The following PRDM16 variants were observed in gnomAD, a reference collection of about 807,000 sequenced individuals.
PRDM16 encodes the protein histone-lysine N-methyltransferase PRDM16.
A neutral mutation model predicts 110.6 loss-of-function variants in PRDM16; 23 were observed. That is an observed-to-expected ratio of 0.21 (90% CI 0.15 to 0.29). The LOEUF is 0.29. Among genes scored for constraint, PRDM16 ranks in the 10% least tolerant of loss-of-function variants. The pLI, the probability that PRDM16 is intolerant of heterozygous loss-of-function variation, is 1.00. For synonymous variants in PRDM16, 799 were observed against 781.8 expected, an observed-to-expected ratio of 1.02 and a Z score of -0.37; for missense variants, 1,615 against 1,794.3, an observed-to-expected ratio of 0.90 and a Z score of 1.81.
intron 1 of PRDM16, among the ~76,000 whole-genome samples, chr1:3,093,964 C>A (rs559396266): frequency 2.0e-5 from 3 of 152,330 alleles, no homozygotes; most frequent in Admixed American, 2.0e-4. Flanking sequence ...TAGAAGTTGC[C>A]ATGAGTGTGT....
At position 3,081,582 on chromosome 1, in the gene PRDM16, C is replaced by T. The variant is rs957588266; in HGVS notation, c.37+12286C>T. ...TTGGCATCACCTACAGGGATGGCGG[C>T]GGCCAGGGTTGGTCTTCCTTCTGTG... On this transcript the variant is annotated intron_variant, in intron 1 of 16. Coordinates refer to ENST00000270722, the MANE Select transcript of PRDM16 (RefSeq NM_022114.4). The surrounding 1 kb of genome is among the most constrained non-coding windows in gnomAD (Gnocchi z 4.6). Among the ~76,000 whole-genome samples the T allele has an allele frequency of 9.9e-5, 15 of 152,186 alleles. No individual in the cohort carries two copies. The highest frequency in any genetic ancestry group is 4.1e-4 in the South Asian group (2 of 4,830).
At chr1:3,103,959 C>T (rs1159704186) in intron 1 of PRDM16, among the ~76,000 whole-genome samples, 3 of 152,210 alleles carry the variant, frequency 2.0e-5, no homozygotes, top group East Asian at 1.9e-4. Context: ...TGGGAGTTAA[C>T]GGTTCAAACC....
At chr1:3,293,617 T>C (rs914087305) in intron 3 of PRDM16, among the ~76,000 whole-genome samples, 2 of 152,214 alleles carry the variant, frequency 1.3e-5, no homozygotes, top group Non-Finnish European at 2.9e-5. Context: ...CAGAGGGGAA[T>C]GCGTTTGAGC....
At chr1:3,360,396 G>A (rs1412138256) in intron 3 of PRDM16, among the ~76,000 whole-genome samples, 1 of 152,212 alleles carries the variant, frequency 6.6e-6, no homozygotes, top group African/African-American at 2.4e-5. Flanking sequence ...AGAAACAGAG[G>A]CTAAGAACTA....
chr1:3,186,659 G>A (rs1440027623), intron 2 of PRDM16, 185 bp downstream of exon 2: 16 of 537,334 alleles, frequency 3.0e-5, no homozygotes, highest in Non-Finnish European at 4.9e-5. Context: ...AAGCATCAGA[G>A]GTCCTCGTGG....
chr1:3,280,605 C>T (rs898563257), intron 3 of PRDM16, among the ~76,000 whole-genome samples: 3 of 152,226 alleles, frequency 2.0e-5, no homozygotes, highest in African/African-American at 4.8e-5. Context: ...GCTGGAAGAA[C>T]CCACCTCTCA....
intron 1 of PRDM16, among the ~76,000 whole-genome samples, chr1:3,109,110 T>A (rs1471091970): frequency 6.6e-6 from 1 of 151,188 alleles, no homozygotes; most frequent in African/African-American, 2.4e-5. Context: ...ATAATAATAA[T>A]AATAATGTCA....
At chr1:3,407,717 T>G (rs1643585691) in intron 8 of PRDM16, among the ~76,000 whole-genome samples, 1 of 152,200 alleles carries the variant, frequency 6.6e-6, no homozygotes, top group Non-Finnish European at 1.5e-5. Flanking sequence ...TTTAATGATG[T>G]GCATTCCAAG....
chr1:3,427,618 A>G (rs928306158), intron 14 of PRDM16, among the ~76,000 whole-genome samples: 1 of 152,134 alleles, frequency 6.6e-6, no homozygotes, highest in Non-Finnish European at 1.5e-5. Context: ...CAATAAACAC[A>G]GGAGGCAGTT....
At chr1:3,151,706 G>A (rs1643778208) in intron 1 of PRDM16, among the ~76,000 whole-genome samples, 1 of 152,218 alleles carries the variant, frequency 6.6e-6, no homozygotes, top group Non-Finnish European at 1.5e-5. Context: ...GAGTGGCCGG[G>A]CGTGCATTAG....
chr1:3,108,786 T>C (rs1225793121), intron 1 of PRDM16, among the ~76,000 whole-genome samples: 1 of 152,134 alleles, frequency 6.6e-6, no homozygotes, highest in African/African-American at 2.4e-5. Context: ...GAGCAGGACC[T>C]TCAGAGGCAG....
chr1:3,120,393 G>A lies in PRDM16; in HGVS notation c.37+51097G>A, dbSNP rs549925195. ...AGTTTTGGGGTTTGGCCCAAGGCCC[G>A]GTGACAAACAGGAGCTGCAGAGTGG... On this transcript the variant is annotated intron_variant, in intron 1 of 16. Transcript: ENST00000270722. Among the ~76,000 whole-genome samples the A allele has an allele frequency of 3.9e-5, 6 of 152,290 alleles. No homozygotes were observed. The South Asian group carries it at 6.2e-4, about 16-fold the overall frequency.
At chr1:3,220,356 C>T (rs760776450) in intron 2 of PRDM16, among the ~76,000 whole-genome samples, 3 of 152,286 alleles carry the variant, frequency 2.0e-5, no homozygotes, top group African/African-American at 4.8e-5. Flanking sequence ...CTCAGACTCA[C>T]GCCCAGGGCC....
intron 3 of PRDM16, among the ~76,000 whole-genome samples, chr1:3,281,314 C>T (rs2100326602): frequency 6.6e-6 from 1 of 152,320 alleles, no homozygotes; most frequent in South Asian, 2.1e-4. Context: ...GGCCAGAACC[C>T]TCCACCTGTG....
At chr1:3,409,444 C>T (rs1164766063) in intron 8 of PRDM16, among the ~76,000 whole-genome samples, 9 of 152,052 alleles carry the variant, frequency 5.9e-5, no homozygotes, top group Admixed American at 2.6e-4. Context: ...CCAGGCTGGA[C>T]GAGCAGGAAG....
chr1:3,409,275 G>A (rs931459568), intron 8 of PRDM16, among the ~76,000 whole-genome samples: 1 of 151,940 alleles, frequency 6.6e-6, no homozygotes, highest in Non-Finnish European at 1.5e-5. Flanking sequence ...TTGTTTGGCC[G>A]GCAGGGCTGA....
intron 3 of PRDM16, among the ~76,000 whole-genome samples, chr1:3,271,795 C>A (rs531761803): frequency 4.6e-5 from 7 of 152,314 alleles, no homozygotes; most frequent in African/African-American, 1.4e-4. Context: ...CTCTGACCCC[C>A]AGCACGGAAA....
At chr1:3,196,033 G>C (rs909418013) in intron 2 of PRDM16, among the ~76,000 whole-genome samples, 9 of 152,220 alleles carry the variant, frequency 5.9e-5, no homozygotes, top group African/African-American at 2.2e-4. Flanking sequence ...GGAAGGAATA[G>C]CTCCCAGCCC....
chr1:3,299,288 T>C (rs1023988354), intron 3 of PRDM16, among the ~76,000 whole-genome samples: 17 of 147,974 alleles, frequency 1.1e-4, no homozygotes, highest in African/African-American at 3.2e-4. Context: ...TTGAAGATGC[T>C]ATGCTGTGGC....
Sources: allele counts gnomAD v4.1 joint callset (sites outside exome capture counted in the v4.1 genomes callset), GRCh38; gene constraint gnomAD v4.1.1; non-coding constraint Gnocchi (gnomAD v3.1); transcripts MANE v1.5; gene names NCBI Gene and HGNC (gene_info 2026-07-23, HGNC 2026-07-21).